Variants in YIPF6 observed in about 807,000 individuals in gnomAD.
YIPF6 encodes protein YIPF6.
Under a neutral mutation model 16.8 loss-of-function variants are expected in YIPF6, and 3 were observed. The observed-to-expected ratio is 0.18, with a 90% CI of 0.08 to 0.46. The LOEUF (loss-of-function observed/expected upper bound fraction) is 0.46, where lower values mean the gene tolerates loss of function less well. Ranked by LOEUF, YIPF6 falls within the 20% of genes least tolerant of loss-of-function variation. YIPF6 has a pLI of 0.98. For missense variants in YIPF6, 145 were observed against 184.9 expected (o/e 0.78, Z 1.25); for synonymous variants, 67 against 61.9 (o/e 1.08, Z -0.38).
chrX:68,518,941 C>T, intron 4 of YIPF6, 129 bp downstream of exon 4: 1 of 597,455 alleles, frequency 1.7e-6, no homozygotes, highest in East Asian at 3.9e-5. Flanking sequence ...ACATGTTATA[C>T]TCCTTAGGTA....
At chrX:68,517,567 T>C (rs1178717445) in intron 3 of YIPF6, among the ~76,000 whole-genome samples, 1 of 112,377 alleles carries the variant, frequency 8.9e-6, no homozygotes, top group Non-Finnish European at 1.9e-5. Context: ...AAATTACCAA[T>C]ACTGGGCTGT....
chrX:68,519,928 C>A (rs180888808), intron 4 of YIPF6, among the ~76,000 whole-genome samples: 1 of 111,752 alleles, frequency 8.9e-6, no homozygotes, highest in Non-Finnish European at 1.9e-5. Flanking sequence ...AAAGTTTAAC[C>A]TTATAGATTA....
chrX:68,527,181 G>A (rs751081590), intron 6 of YIPF6, among the ~76,000 whole-genome samples: 19 of 111,435 alleles, frequency 1.7e-4, no homozygotes, highest in South Asian at 7.5e-4. Flanking sequence ...GGGATTCGAC[G>A]TCTTCCTGGT....
chrX:68,526,240 T>C (rs770770582), intron 6 of YIPF6, among the ~76,000 whole-genome samples: 2 of 111,549 alleles, frequency 1.8e-5, no homozygotes, highest in South Asian at 7.5e-4. Context: ...TTATTCTCTT[T>C]GTAGCAATTG....
At chrX:68,522,729 A>G (rs745364230) in intron 5 of YIPF6, 31 bp from the exon 6 acceptor site, 3 of 1,172,655 alleles carry the variant, frequency 2.6e-6, no homozygotes, top group Admixed American at 5.1e-5. Context: ...AGTTGTATTT[A>G]TGATCTTTAT....
At position 68,521,492 on chromosome X, in the gene YIPF6, G is replaced by A. The variant is rs112977183; in HGVS notation, c.429G>A (p.Gly143=). The change falls in exon 5 of 7, where the codon GGG becomes GGA. Residue 143 remains glycine (G), a synonymous_variant. Coordinates refer to ENST00000462683, the MANE Select transcript of YIPF6 (RefSeq NM_173834.4). The part of the protein sequence containing the change: ...TITLNSKLLG[G]NISFFQSLCV... Reference sequence around the variant, plus strand: ...CCCTCAACTCAAAACTTCTTGGAGGGAACATGTGAGTATTATTAAAATGCA... The same window carrying A: ...CCCTCAACTCAAAACTTCTTGGAGGAAACATGTGAGTATTATTAAAATGCA... 8.3e-7 allele frequency: 1 copy of A among 1,206,299 alleles called. No individual in the cohort carries two copies. Among genetic ancestry groups the A allele is most frequent in the South Asian group, 1.8e-5 (1 of 55,693 alleles).
At chrX:68,518,052 A>C (rs899424108) in intron 3 of YIPF6, among the ~76,000 whole-genome samples, 1 of 110,329 alleles carries the variant, frequency 9.1e-6, no homozygotes, top group East Asian at 2.8e-4. Flanking sequence ...AGGTAGGCAG[A>C]TCACCTGAGG....
chrX:68,517,386 A>G (rs1247235737), intron 3 of YIPF6, among the ~76,000 whole-genome samples: 1 of 111,387 alleles, frequency 9.0e-6, no homozygotes, highest in Non-Finnish European at 1.9e-5. Context: ...AGCTCAGGCC[A>G]TCCGCCCGCC....
At chrX:68,525,352 T>G (rs1263548865) in intron 6 of YIPF6, among the ~76,000 whole-genome samples, 1 of 112,192 alleles carries the variant, frequency 8.9e-6, no homozygotes, top group Non-Finnish European at 1.9e-5. Flanking sequence ...TCTTGTAAAT[T>G]TGTTTAGGTT....
At chrX:68,525,266 G>C (rs2079142984) in intron 6 of YIPF6, among the ~76,000 whole-genome samples, 2 of 112,171 alleles carry the variant, frequency 1.8e-5, no homozygotes, top group South Asian at 3.7e-4. Context: ...TCATATGTTT[G>C]TTGGCCGCAT....
chrX:68,525,607 T>C (rs1468754210), intron 6 of YIPF6, among the ~76,000 whole-genome samples: 5 of 112,402 alleles, frequency 4.4e-5, no homozygotes, highest in African/African-American at 1.6e-4. Context: ...GTAGGGTTTT[T>C]ATGGTTTTAG....
intron 6 of YIPF6, 24 bp downstream of exon 6, chrX:68,522,941 A>G (rs2079132975): frequency 8.3e-7 from 1 of 1,205,242 alleles, no homozygotes; most frequent in Non-Finnish European, 1.1e-6. Flanking sequence ...TATTTCCACA[A>G]TAACAGAACA....
chrX:68,522,653 C>A, intron 5 of YIPF6, 107 bp from the exon 6 acceptor site: 1 of 770,081 alleles, frequency 1.3e-6, no homozygotes, highest in Non-Finnish European at 1.8e-6. Flanking sequence ...TGTTATGTAC[C>A]AAGAAGGAGG....
chrX:68,527,435 T>G (rs750680229), intron 6 of YIPF6, among the ~76,000 whole-genome samples: 6 of 111,848 alleles, frequency 5.4e-5, no homozygotes, highest in Non-Finnish European at 9.4e-5. Context: ...CTGTATTCAT[T>G]GATTTTTTGA....
intron 5 of YIPF6, among the ~76,000 whole-genome samples, chrX:68,522,554 C>G (rs983401319): frequency 9.0e-6 from 1 of 110,522 alleles, no homozygotes; most frequent in East Asian, 2.8e-4. Context: ...ACCCCCCCAC[C>G]CTTGGCCTCC....
rs2079060370 is a variant in YIPF6, at chrX:68,506,483, T to C, written c.58-5366T>C. Among the ~76,000 whole-genome samples, 3 of 110,053 alleles carry C rather than the reference T, an allele frequency of 2.7e-5. No homozygotes were observed. In the South Asian group the frequency reaches 1.2e-3, roughly 43 times the overall value. The stretch of plus-strand genomic sequence containing the variant: ...GGGAGGCCGAGATGGGCAGATTGCT[T>C]GAGCCCAGAGGTTCGAGATCAGCCT... On this transcript the variant is annotated intron_variant, in intron 1 of 6. Coordinates refer to ENST00000462683, the MANE Select transcript of YIPF6 (RefSeq NM_173834.4).
Position 68,532,113 on chromosome X carries a change from C to A in YIPF6, c.*114C>A. ...GTCTAATTTTGGAGGTATTTGATAA[C>A]TGAGTAGGTGAGGAGATTAAAAGGG... On this transcript the variant is annotated 3_prime_UTR_variant, in exon 7 of 7. Transcript: ENST00000462683. 3.6e-6 allele frequency: 2 copies of A among 553,159 alleles called. No homozygotes were observed. Among genetic ancestry groups the A allele is most frequent in the Non-Finnish European group, 5.8e-6 (2 of 343,822 alleles). The allele number at this position is 553,159 out of a possible 1,213,427, so 45.6% of individuals were successfully genotyped here.
rs778481390 is a variant in YIPF6, at chrX:68,534,427, A to C, written c.*2428A>C. The C allele has an allele frequency of 8.9e-6, 1 of 111,948 alleles. No homozygotes were observed. The highest frequency in any genetic ancestry group is 9.5e-5 in the Admixed American group (1 of 10,475). 9.2% of individuals were successfully genotyped at this position (111,948 alleles called of 1,213,427 possible). A position where few individuals can be genotyped will look rare whatever the true frequency, so the allele number is the denominator to read the frequency against. On this transcript the variant is annotated 3_prime_UTR_variant, in exon 7 of 7. Coordinates refer to ENST00000462683, the MANE Select transcript of YIPF6 (RefSeq NM_173834.4). The stretch of plus-strand genomic sequence containing the variant: ...TTGTTGGCCGAAGATTCATTTGATG[A>C]ATCCAATTTTTTTGAAATAGACAAT...
Position 68,513,349 on chromosome X carries a change from G to A in YIPF6, c.209G>A (p.Gly70Glu). ...NTIMRDLKAV[G>E]KKFMHVLYPR... Reference sequence around the variant, plus strand: ...CAGATGCGTGATCTAAAAGCTGTTGGGAAAAAATTCATGCATGTTTTGTAC... The same window carrying A: ...CAGATGCGTGATCTAAAAGCTGTTGAGAAAAAATTCATGCATGTTTTGTAC... Residue 70 changes from glycine (G) to glutamate (E), a missense_variant, in exon 3 of 7, where the codon GGG (glycine) becomes GAG (glutamate). Coordinates refer to ENST00000462683, the MANE Select transcript of YIPF6 (RefSeq NM_173834.4). 1 of 1,206,815 alleles carries A rather than the reference G, an allele frequency of 8.3e-7. No individual in the cohort carries two copies.
Sources: gnomAD v4.1 joint callset for allele counts (sites outside exome capture counted in the v4.1 genomes callset) on GRCh38, gnomAD v4.1.1 for gene constraint, MANE v1.5 for transcripts, NCBI Gene and HGNC (gene_info 2026-07-23, HGNC 2026-07-21) for gene names.